PPP2R3C: variants seen among roughly 807,000 people sequenced by gnomAD.
PPP2R3C encodes the protein serine/threonine-protein phosphatase 2A regulatory subunit B'' subunit gamma.
A neutral mutation model predicts 63.7 loss-of-function variants in PPP2R3C; 47 were observed. The observed-to-expected ratio is 0.74, with a 90% CI of 0.58 to 0.94. The LOEUF (loss-of-function observed/expected upper bound fraction) is 0.94, where lower values mean the gene tolerates loss of function less well. Among genes scored for constraint, PPP2R3C ranks in the 40% least tolerant of loss-of-function variants. The pLI is 0.00. For synonymous variants in PPP2R3C, 180 were observed against 177.4 expected (o/e 1.01, Z -0.12); for missense variants, 421 against 518.4 (o/e 0.81, Z 1.82).
intron 9 of PPP2R3C, among the ~76,000 whole-genome samples, chr14:35,096,297 T>G (rs974027515): frequency 6.6e-6 from 1 of 152,194 alleles, no homozygotes; most frequent in African/African-American, 2.4e-5. Flanking sequence ...AAGGCTGCAC[T>G]GAGCCGTGAT....
Position 35,096,753 on chromosome 14 carries a change from T to C in PPP2R3C, c.718A>G (p.Ile240Val). 6.3e-7 allele frequency: 1 copy of C among 1,584,632 alleles called. No homozygotes were observed. Among genetic ancestry groups the C allele is most frequent in the South Asian group, 1.2e-5 (1 of 86,422 alleles). Residue 240 changes from isoleucine (I) to valine (V), a missense_variant, in exon 8 of 13, where the codon ATT (isoleucine) becomes GTT (valine). Transcript: ENST00000261475. ...LDPLRTGKIK[I>V]QDILACSFLD... Reference sequence around the variant, plus strand: ...AAGCTGCATGCTAAAATATCTTGAATTTTTATCTTTCCTTTAAGAACATAA... The same window carrying C: ...AAGCTGCATGCTAAAATATCTTGAACTTTTATCTTTCCTTTAAGAACATAA...
At chr14:35,093,808 C>T (rs2138623651) in intron 10 of PPP2R3C, among the ~76,000 whole-genome samples, 1 of 152,172 alleles carries the variant, frequency 6.6e-6, no homozygotes, top group East Asian at 1.9e-4. Context: ...CCCGTCACCG[C>T]ACCCAGCTAA....
At chr14:35,090,075 G>GT (rs1226183661) in intron 11 of PPP2R3C, among the ~76,000 whole-genome samples, 4 of 152,106 alleles carry the variant, frequency 2.6e-5, no homozygotes, top group Admixed American at 1.3e-4. Flanking sequence ...TTGACTAGAT[G>GT]TAAAATAAAA....
chr14:35,099,218 CATA>C (rs1566411354), intron 7 of PPP2R3C, 31 bp downstream of exon 7: 1 of 1,500,462 alleles, frequency 6.7e-7, no homozygotes, highest in Non-Finnish European at 8.8e-7. Context: ...ATAATATCCT[CATA>C]ATATCTAAGT....
intron 2 of PPP2R3C, 55 bp from the exon 3 acceptor site, chr14:35,110,684 A>G: frequency 1.7e-6 from 2 of 1,175,652 alleles, no homozygotes; most frequent in Non-Finnish European, 2.5e-6. Context: ...GGATCCTATA[A>G]AATGTATGTG....
intron 12 of PPP2R3C, 50 bp from the exon 13 acceptor site, chr14:35,085,828 C>A: frequency 6.8e-7 from 1 of 1,462,506 alleles, no homozygotes; most frequent in Non-Finnish European, 9.3e-7. Flanking sequence ...TAATTTCTAT[C>A]ACACATAGTG....
At position 35,096,662 on chromosome 14, in the gene PPP2R3C, G is replaced by T. The variant is rs758103478; in HGVS notation, c.763-29C>A. On this transcript the variant is annotated intron_variant, in intron 8 of 12. Transcript: ENST00000261475. ...ATGGAACACAAAGACATAATTAGAA[G>T]ATAGCAACTGTCAAGTGATACAATT... The T allele has an allele frequency of 2.5e-6, 4 of 1,609,842 alleles. No individual in the cohort carries two copies. The Admixed American group carries it at 6.7e-5, about 27-fold the overall frequency.
intron 2 of PPP2R3C, among the ~76,000 whole-genome samples, chr14:35,113,954 G>C (rs918946386): frequency 5.3e-5 from 8 of 151,796 alleles, no homozygotes; most frequent in African/African-American, 7.3e-5. Flanking sequence ...CTTTTGCATT[G>C]AGAACCCAAG....
intron 6 of PPP2R3C, chr14:35,100,382 G>A (rs1285169102): frequency 1.3e-5 from 2 of 152,076 alleles, no homozygotes; most frequent in African/African-American, 4.8e-5. Context: ...TAGACCCTGG[G>A]AAACTTCCAC....
At chr14:35,090,226 T>C (rs535184266) in intron 11 of PPP2R3C, among the ~76,000 whole-genome samples, 34 of 150,260 alleles carry the variant, frequency 2.3e-4, no homozygotes, top group African/African-American at 8.0e-4. Flanking sequence ...TTATAGACTT[T>C]GGTAGTTGTA....
At position 35,116,835 on chromosome 14, in the gene PPP2R3C, T is replaced by C. The variant is rs907610300; in HGVS notation, c.59-98A>G. On this transcript the variant is annotated intron_variant, in intron 1 of 12. Transcript: ENST00000261475. ...TATATTAATAGTTTAATTAAAATAG[T>C]TGCAGTGCCAAAAAGGCCTTCACAA... 38 of 1,032,324 alleles carry C rather than the reference T, an allele frequency of 3.7e-5. No homozygotes were observed. The Middle Eastern group carries it at 1.0e-3, about 28-fold the overall frequency. The allele number at this position is 1,032,324 out of a possible 1,614,324, so 63.9% of individuals were successfully genotyped here.
chr14:35,115,300 C>G (rs974048137), intron 2 of PPP2R3C, among the ~76,000 whole-genome samples: 1 of 149,734 alleles, frequency 6.7e-6, no homozygotes, highest in African/African-American at 2.5e-5. Context: ...GTAGCGGGGA[C>G]TACAGGTGCG....
chr14:35,094,339 T>C (rs1379044431), intron 10 of PPP2R3C, among the ~76,000 whole-genome samples: 1 of 152,098 alleles, frequency 6.6e-6, no homozygotes, highest in East Asian at 1.9e-4. Context: ...CCCAAGTAAT[T>C]TTTTTATTTT....
At chr14:35,103,686 GA>G (rs1043493419) in intron 6 of PPP2R3C, among the ~76,000 whole-genome samples, 1 of 151,516 alleles carries the variant, frequency 6.6e-6, no homozygotes, top group African/African-American at 2.4e-5. Context: ...ACAAAAAAAA[GA>G]AAAAAAAGAA....
At chr14:35,092,744 G>T (rs1352732960) in intron 10 of PPP2R3C, among the ~76,000 whole-genome samples, 2 of 152,090 alleles carry the variant, frequency 1.3e-5, no homozygotes, top group Non-Finnish European at 2.9e-5. Flanking sequence ...TAGGATTACA[G>T]GTGTGAGCCA....
chr14:35,088,196 C>T (rs775253891), intron 11 of PPP2R3C, 186 bp from the exon 12 acceptor site: 269 of 598,622 alleles, frequency 4.5e-4, no homozygotes, highest in Middle Eastern at 7.8e-4. Context: ...CCTAAATTCT[C>T]GATTAGTGTA....
chr14:35,098,718 T>C (rs369031383), intron 7 of PPP2R3C: 2 of 152,814 alleles, frequency 1.3e-5, no homozygotes, highest in African/African-American at 4.8e-5. Context: ...TCCTTTCCTC[T>C]GCTCCAGTTA....
At chr14:35,111,207 C>G (rs774790898) in intron 2 of PPP2R3C, among the ~76,000 whole-genome samples, 31 of 140,260 alleles carry the variant, frequency 2.2e-4, no homozygotes, top group Admixed American at 4.7e-4. Context: ...TACACTCCAG[C>G]CTGGCAACAG....
intron 2 of PPP2R3C, among the ~76,000 whole-genome samples, chr14:35,112,294 G>A (rs576730142): frequency 3.9e-5 from 6 of 152,080 alleles, no homozygotes; most frequent in East Asian, 1.9e-4. Flanking sequence ...ATAGAGGCAG[G>A]GTCTTGCTAT....
Sources: allele counts gnomAD v4.1 joint callset (sites outside exome capture counted in the v4.1 genomes callset), GRCh38; gene constraint gnomAD v4.1.1; transcripts MANE v1.5; gene names NCBI Gene and HGNC (gene_info 2026-07-23, HGNC 2026-07-21).